Variants in SEPTIN6 observed in about 807,000 individuals in gnomAD.
SEPTIN6 encodes septin-6.
Under a neutral mutation model 33.6 loss-of-function variants are expected in SEPTIN6, and 8 were observed. That is an observed-to-expected ratio of 0.24 (90% confidence interval 0.14 to 0.43). The LOEUF is 0.43. Ranked by LOEUF, SEPTIN6 falls within the 20% of genes least tolerant of loss-of-function variation. The pLI, the probability that SEPTIN6 is intolerant of heterozygous loss-of-function variation, is 1.00. For synonymous variants in SEPTIN6, 131 were observed against 140.0 expected (o/e 0.94, Z 0.45); for missense variants, 250 against 340.8 (o/e 0.73, Z 2.10).
chrX:119,687,523 A>G (rs2055080132), intron 1 of SEPTIN6, among the ~76,000 whole-genome samples: 1 of 111,415 alleles, frequency 9.0e-6, no homozygotes, highest in African/African-American at 3.3e-5. Context: ...TGCTGGGATT[A>G]CAGACGTGAG....
chrX:119,643,667 A>T, intron 5 of SEPTIN6, among the ~76,000 whole-genome samples: 1 of 111,550 alleles, frequency 9.0e-6, no homozygotes, highest in Non-Finnish European at 1.9e-5. Context: ...TGATTTTCAC[A>T]ACATCCTTCT....
intron 2 of SEPTIN6, among the ~76,000 whole-genome samples, chrX:119,669,491 C>T (rs989738209): frequency 2.7e-5 from 3 of 112,302 alleles, no homozygotes; most frequent in African/African-American, 9.7e-5. Context: ...CAAGGTTATG[C>T]CTGGCTCTGT....
At chrX:119,656,748 T>C (rs925652345) in intron 3 of SEPTIN6, among the ~76,000 whole-genome samples, 3 of 111,169 alleles carry the variant, frequency 2.7e-5, no homozygotes, top group African/African-American at 9.8e-5. Context: ...TAGCTGGGCA[T>C]GGTGGCGTGC....
chrX:119,626,363 C>T (rs1348116298), intron 9 of SEPTIN6, among the ~76,000 whole-genome samples: 4 of 111,904 alleles, frequency 3.6e-5, no homozygotes, highest in Non-Finnish European at 5.6e-5. Flanking sequence ...GTAGCCTGAA[C>T]AAACCAATTC....
At position 119,685,736 on chromosome X, in the gene SEPTIN6, C is replaced by T. The variant is rs778303872; in HGVS notation, c.30+7340G>A. Reference sequence around the variant, plus strand: ...GGGACATTGAGCTTCTGGCTTGATGCTGGTCAGGGGCAGAAGGGTCAAGGA... The same window carrying T: ...GGGACATTGAGCTTCTGGCTTGATGTTGGTCAGGGGCAGAAGGGTCAAGGA... On this transcript the variant is annotated intron_variant, in intron 1 of 10. Coordinates refer to ENST00000394610, the MANE Select transcript of SEPTIN6 (RefSeq NM_145799.4). 5.4e-5 allele frequency among the ~76,000 whole-genome samples: 6 copies of T among 111,609 alleles called. No homozygotes were observed. In the South Asian group the frequency reaches 1.9e-3, roughly 35 times the overall value.
chrX:119,669,811 T>C (rs1273453444), intron 2 of SEPTIN6, among the ~76,000 whole-genome samples: 1 of 111,946 alleles, frequency 8.9e-6, no homozygotes, highest in Non-Finnish European at 1.9e-5. Context: ...TTGGCCTTGA[T>C]AGAATGCTAG....
At chrX:119,634,049 C>T (rs1347921207) in intron 7 of SEPTIN6, among the ~76,000 whole-genome samples, 1 of 111,797 alleles carries the variant, frequency 8.9e-6, no homozygotes, top group Non-Finnish European at 1.9e-5. Flanking sequence ...GGGAGATGCC[C>T]CTGGCCTAAG....
At position 119,645,175 on chromosome X, in the gene SEPTIN6, T is replaced by C. The variant is rs369641534; in HGVS notation, c.691-4387A>G. Among the ~76,000 whole-genome samples the C allele has an allele frequency of 5.1e-3, 544 of 107,357 alleles. 6 individuals are homozygous for C. Among genetic ancestry groups the C allele is most frequent in the African/African-American group, 0.018 (517 of 29,394 alleles). The allele number at this position is 107,357 out of a possible 115,157, so 93.2% of individuals were successfully genotyped here. The stretch of plus-strand genomic sequence containing the variant: ...CACCCGCCTTGGTCTCTCAAAGTGC[T>C]GGGATTACAGGTGTGAGCCACCGCG... On this transcript the variant is annotated intron_variant, in intron 5 of 10. Coordinates refer to ENST00000394610, the MANE Select transcript of SEPTIN6 (RefSeq NM_145799.4).
intron 1 of SEPTIN6, among the ~76,000 whole-genome samples, chrX:119,683,982 C>T (rs1475462201): frequency 9.4e-6 from 1 of 106,269 alleles, no homozygotes; most frequent in Non-Finnish European, 1.9e-5. Context: ...CTCTGTCAAC[C>T]AGGCTGGAGT....
chrX:119,689,153 T>C (rs947842756), intron 1 of SEPTIN6, among the ~76,000 whole-genome samples: 4 of 111,933 alleles, frequency 3.6e-5, no homozygotes, highest in Non-Finnish European at 7.5e-5. Context: ...AGAGAAAGCT[T>C]CATTGTTCAC....
At chrX:119,677,703 C>A (rs528227002) in intron 1 of SEPTIN6, among the ~76,000 whole-genome samples, 1 of 112,456 alleles carries the variant, frequency 8.9e-6, no homozygotes, top group South Asian at 3.6e-4. Flanking sequence ...CAGCAGCCAA[C>A]TTTGTCAGAA....
At chrX:119,627,018 G>C (rs900713908) in intron 9 of SEPTIN6, among the ~76,000 whole-genome samples, 8 of 112,164 alleles carry the variant, frequency 7.1e-5, no homozygotes, top group Non-Finnish European at 1.5e-4. Context: ...TGCATAAAGA[G>C]TAATTGGATT....
In SEPTIN6 at chrX:119,617,098, AC is replaced by A. The variant is rs1648604871; in HGVS notation, c.*2994del. On this transcript the variant is annotated 3_prime_UTR_variant, in exon 11 of 11. Transcript: ENST00000394610. Reference sequence around the variant, plus strand: ...CTTAAGAGAAGTGAGGGATGTGTGTACGTGTGTGTGTGTGTGTGTGTGTGTG... The same window carrying A: ...CTTAAGAGAAGTGAGGGATGTGTGTAGTGTGTGTGTGTGTGTGTGTGTGTG... 4.0e-6 allele frequency: 3 copies of A among 748,342 alleles called. No homozygotes were observed. Among genetic ancestry groups the A allele is most frequent in the Non-Finnish European group, 4.7e-6 (3 of 633,850 alleles). The allele number at this position is 748,342 out of a possible 1,213,427, so 61.7% of individuals were successfully genotyped here.
chrX:119,653,014 T>C lies in SEPTIN6; in HGVS notation c.368A>G (p.Asp123Gly). The part of the protein sequence containing the change: ...DSYKPIVEFI[D>G]AQFEAYLQEE... ...CTGCAGGTAGGCCTCGAATTGTGCA[T>C]CGATGAATTCCACGATAGGCTTGTA... The change falls in exon 4 of 11, where the codon GAT (aspartate) becomes GGT (glycine). Residue 123 changes from aspartate (D) to glycine (G), a missense_variant. Asp to Gly is a moderately conservative substitution (Grantham distance 94). This residue lies in a region of SEPTIN6 where 111 missense variants were observed against 113.8 expected (regional missense o/e 0.98). Transcript: ENST00000394610. The C allele has an allele frequency of 1.7e-6, 2 of 1,209,934 alleles. No homozygotes were observed. The highest frequency in any genetic ancestry group is 3.0e-5 in the East Asian group (1 of 33,808).
intron 3 of SEPTIN6, 28 bp downstream of exon 3, chrX:119,663,454 C>T (rs769031763): frequency 2.7e-6 from 2 of 729,662 alleles, no homozygotes; most frequent in Non-Finnish European, 4.2e-6. Context: ...AACCTCCCCA[C>T]CCTACCCCAC....
At position 119,619,397 on chromosome X, in the gene SEPTIN6, T is replaced by C. The variant is rs1378888785; in HGVS notation, c.*696A>G. 5 of 813,641 alleles carry C rather than the reference T, an allele frequency of 6.1e-6. No homozygotes were observed. The African/African-American group carries it at 1.1e-4, about 18-fold the overall frequency. 67.1% of individuals were successfully genotyped at this position (813,641 alleles called of 1,213,427 possible). On this transcript the variant is annotated 3_prime_UTR_variant, in exon 11 of 11. Transcript: ENST00000394610. Reference sequence around the variant, plus strand: ...AGTTAGAGAGAGGGGAAACGTCTGCTATTTTCTTCAGCAGTTGTGTTTTAT... The same window carrying C: ...AGTTAGAGAGAGGGGAAACGTCTGCCATTTTCTTCAGCAGTTGTGTTTTAT...
chrX:119,634,847 A>G (rs887470950), intron 7 of SEPTIN6, among the ~76,000 whole-genome samples: 2 of 109,029 alleles, frequency 1.8e-5, no homozygotes, highest in Admixed American at 9.9e-5. Flanking sequence ...CATCTCTAAT[A>G]AAAATACAAA....
intron 1 of SEPTIN6, among the ~76,000 whole-genome samples, chrX:119,687,234 T>C (rs1387653378): frequency 9.2e-6 from 1 of 108,145 alleles, no homozygotes; most frequent in African/African-American, 3.5e-5. Flanking sequence ...TCCTTCTTTC[T>C]TTCTTTCATC....
At chrX:119,673,589 G>A (rs1448585254) in intron 2 of SEPTIN6, among the ~76,000 whole-genome samples, 1 of 110,465 alleles carries the variant, frequency 9.1e-6, no homozygotes, top group East Asian at 2.8e-4. Flanking sequence ...TTTCTAGGCT[G>A]GGCGCGGTGG....
Sources: gnomAD v4.1 joint callset for allele counts (sites outside exome capture counted in the v4.1 genomes callset) on GRCh38, gnomAD v4.1.1 for gene constraint, gnomAD v4.1.1 regional missense constraint, MANE v1.5 for transcripts, NCBI Gene and HGNC (gene_info 2026-07-23, HGNC 2026-07-21) for gene names.